FSTL5: variants seen among roughly 807,000 people sequenced by gnomAD.
FSTL5 encodes the protein follistatin-related protein 5.
In FSTL5, 62 loss-of-function variants were observed where a neutral mutation model predicts 89.1. The ratio of observed to expected loss-of-function variants is 0.70; its 90% CI spans 0.57 to 0.86. FSTL5 has a LOEUF of 0.86. Ranked by LOEUF, FSTL5 falls within the 40% of genes least tolerant of loss-of-function variation. The pLI is 0.00. For synonymous variants in FSTL5, 383 were observed against 346.2 expected, an observed-to-expected ratio of 1.11 and a Z score of -1.18; for missense variants, 1,057 against 1,001.6, an observed-to-expected ratio of 1.06 and a Z score of -0.75.
intron 4 of FSTL5, among the ~76,000 whole-genome samples, chr4:161,792,289 T>A (rs1268739103): frequency 6.6e-6 from 1 of 151,966 alleles, no homozygotes; most frequent in Non-Finnish European, 1.5e-5. Flanking sequence ...GGGAAGAGGC[T>A]GGGAGGGATG....
chr4:161,809,479 C>T (rs370928111), intron 4 of FSTL5, among the ~76,000 whole-genome samples: 153 of 152,228 alleles, frequency 1.0e-3, no homozygotes, highest in Middle Eastern at 6.8e-3. Flanking sequence ...ATTTCACTTC[C>T]GGTCATACAG....
chr4:161,682,194 G>T (rs554177424), intron 6 of FSTL5, among the ~76,000 whole-genome samples: 3 of 152,294 alleles, frequency 2.0e-5, no homozygotes, highest in African/African-American at 7.2e-5. Context: ...CCAACAGAAA[G>T]TTGCTCTGGG....
chr4:162,076,626 G>C (rs1334110104), intron 2 of FSTL5, among the ~76,000 whole-genome samples: 1 of 151,790 alleles, frequency 6.6e-6, no homozygotes, highest in Non-Finnish European at 1.5e-5. Flanking sequence ...CAAGACTTCT[G>C]TGGATAAAGT....
intron 5 of FSTL5, among the ~76,000 whole-genome samples, chr4:161,760,610 A>G (rs1740758713): frequency 6.6e-6 from 1 of 152,224 alleles, no homozygotes; most frequent in Non-Finnish European, 1.5e-5. Context: ...GACATAACAT[A>G]CAGCATACAC....
intron 4 of FSTL5, among the ~76,000 whole-genome samples, chr4:161,839,958 G>C (rs957837195): frequency 6.6e-6 from 1 of 152,156 alleles, no homozygotes; most frequent in Non-Finnish European, 1.5e-5. Flanking sequence ...TTGAGCAAAG[G>C]CTGGAATATT....
chr4:161,711,538 C>T (rs13131074), intron 6 of FSTL5, among the ~76,000 whole-genome samples: 80,977 of 151,796 alleles, frequency 0.53, 24,586 homozygotes, highest in East Asian at 0.69. Flanking sequence ...CAATAAAAAG[C>T]CAGGATCAGA....
chr4:161,413,193 G>C (rs1043301222), intron 15 of FSTL5, among the ~76,000 whole-genome samples: 2 of 131,970 alleles, frequency 1.5e-5, no homozygotes, highest in Admixed American at 1.9e-4. Context: ...GAATCTATAG[G>C]GAACTTAAAT....
intron 4 of FSTL5, among the ~76,000 whole-genome samples, chr4:161,786,347 C>T (rs148950177): frequency 0.011 from 1,714 of 152,000 alleles, 27 homozygotes; most frequent in South Asian, 0.019. Context: ...CCTTATTTGA[C>T]CTTATACCAA....
chr4:161,445,297 T>G (rs1202993086), intron 15 of FSTL5, among the ~76,000 whole-genome samples: 2 of 151,924 alleles, frequency 1.3e-5, no homozygotes, highest in East Asian at 1.9e-4. Context: ...TAGTTCACTT[T>G]TCTTTAAAAT....
Position 161,634,206 on chromosome 4 carries a change from T to C in FSTL5, c.894+22122A>G, listed in dbSNP as rs985419466. Reference sequence around the variant, plus strand: ...TTTCCAAGTGGTGATGTTTTCTTAGTAAAATTTGCAGGTGAACAGGAGAGA... The same window carrying C: ...TTTCCAAGTGGTGATGTTTTCTTAGCAAAATTTGCAGGTGAACAGGAGAGA... On this transcript the variant is annotated intron_variant, in intron 7 of 15. Coordinates refer to ENST00000306100, the MANE Select transcript of FSTL5 (RefSeq NM_020116.5). Among the ~76,000 whole-genome samples the C allele has an allele frequency of 1.2e-4, 19 of 152,210 alleles. 1 individual carries two copies. The highest frequency in any genetic ancestry group is 6.2e-4 in the South Asian group (3 of 4,834).
intron 4 of FSTL5, among the ~76,000 whole-genome samples, chr4:161,787,053 T>C (rs1741930066): frequency 6.6e-6 from 1 of 151,976 alleles, no homozygotes; most frequent in Admixed American, 6.6e-5. Context: ...AAAGTAGAGG[T>C]GAATAATAGG....
intron 4 of FSTL5, among the ~76,000 whole-genome samples, chr4:161,919,438 T>C (rs1437826112): frequency 6.6e-6 from 1 of 152,186 alleles, no homozygotes; most frequent in Admixed American, 6.5e-5. Flanking sequence ...TAGAGAAAGT[T>C]TGAAAAAGGA....
intron 4 of FSTL5, among the ~76,000 whole-genome samples, chr4:161,888,857 TTTTC>T (rs1732897392): frequency 6.6e-6 from 1 of 152,090 alleles, no homozygotes; most frequent in Non-Finnish European, 1.5e-5. Context: ...CTGATTCATA[TTTTC>T]TTTATTAAAG....
intron 3 of FSTL5, among the ~76,000 whole-genome samples, chr4:161,936,710 A>G (rs1734442114): frequency 6.6e-6 from 1 of 152,148 alleles, no homozygotes; most frequent in Non-Finnish European, 1.5e-5. Context: ...ATCCTGGTAG[A>G]AACCTGCAGG....
intron 6 of FSTL5, among the ~76,000 whole-genome samples, chr4:161,691,041 C>G (rs1254820088): frequency 2.6e-5 from 4 of 152,036 alleles, no homozygotes; most frequent in Non-Finnish European, 5.9e-5. Flanking sequence ...TTTTCTTTAC[C>G]CAGTCTATCA....
intron 5 of FSTL5, among the ~76,000 whole-genome samples, chr4:161,761,427 T>C (rs559178849): frequency 6.6e-6 from 1 of 152,328 alleles, no homozygotes; most frequent in East Asian, 1.9e-4. Flanking sequence ...TGTACAATGT[T>C]AGCATTGTGG....
At chr4:161,444,497 T>TA (rs569025409) in intron 15 of FSTL5, among the ~76,000 whole-genome samples, 194 of 151,728 alleles carry the variant, frequency 1.3e-3, no homozygotes, top group African/African-American at 4.3e-3. Context: ...TTGTATCTCA[T>TA]ACAAATGAAA....
chr4:162,150,580 G>GA (rs971599143), intron 1 of FSTL5, among the ~76,000 whole-genome samples: 2 of 151,890 alleles, frequency 1.3e-5, no homozygotes, highest in Non-Finnish European at 2.9e-5. Flanking sequence ...ATTACTACCA[G>GA]AAAAAAACAT....
At chr4:161,527,599 C>T (rs1341166137) in intron 10 of FSTL5, among the ~76,000 whole-genome samples, 1 of 151,986 alleles carries the variant, frequency 6.6e-6, no homozygotes, top group Non-Finnish European at 1.5e-5. Context: ...AATGAGATAC[C>T]ATCTCACACC....
Sources: allele counts gnomAD v4.1 joint callset (sites outside exome capture counted in the v4.1 genomes callset), GRCh38; gene constraint gnomAD v4.1.1; transcripts MANE v1.5; gene names NCBI Gene and HGNC (gene_info 2026-07-23, HGNC 2026-07-21).